CALN1: variants seen among roughly 807,000 people sequenced by gnomAD.
CALN1 encodes the protein calneuron 1.
A neutral mutation model predicts 30.6 loss-of-function variants in CALN1; 17 were observed. The ratio of observed to expected loss-of-function variants is 0.56; its 90% CI spans 0.38 to 0.83. The LOEUF (loss-of-function observed/expected upper bound fraction) is 0.83. CALN1 is among the 40% of genes least tolerant of loss of function. The probability of loss-of-function intolerance (pLI) is 0.00; values close to 1 mark genes in which losing one functional copy is unlikely to be tolerated. For synonymous variants in CALN1, 156 were observed against 131.4 expected (o/e 1.19, Z -1.28); for missense variants, 291 against 354.9 (o/e 0.82, Z 1.45).
At chr7:71,900,044 C>T (rs1793764559) in intron 5 of CALN1, among the ~76,000 whole-genome samples, 1 of 152,192 alleles carries the variant, frequency 6.6e-6, no homozygotes, top group African/African-American at 2.4e-5. Flanking sequence ...GACTTGTCTA[C>T]TTTAAATTTT....
chr7:72,154,884 T>C (rs949900266), intron 3 of CALN1, among the ~76,000 whole-genome samples: 3 of 144,720 alleles, frequency 2.1e-5, no homozygotes, highest in African/African-American at 7.8e-5. Context: ...AATGAGATCC[T>C]GTCTCTACAA....
At position 71,782,194 on chromosome 7, in the gene CALN1, G is replaced by C. The variant is rs1792753549; in HGVS notation, c.*5581C>G. On this transcript the variant is annotated 3_prime_UTR_variant, in exon 7 of 7. Coordinates refer to ENST00000395275, the MANE Select transcript of CALN1 (RefSeq NM_031468.4). Reference sequence around the variant, plus strand: ...CCAGTGCTGGAGGTGGGGCCTGCTGGGAGATATTTGGGTCATAGGGACAGA... The same window carrying C: ...CCAGTGCTGGAGGTGGGGCCTGCTGCGAGATATTTGGGTCATAGGGACAGA... 1.3e-5 allele frequency: 2 copies of C among 152,176 alleles called. No individual in the cohort carries two copies. The highest frequency in any genetic ancestry group is 4.8e-5 in the African/African-American group (2 of 41,440). 9.4% of individuals were successfully genotyped at this position (152,176 alleles called of 1,614,324 possible).
chr7:72,327,083 GCAGTT>G (rs764791140), intron 2 of CALN1, among the ~76,000 whole-genome samples: 1 of 152,172 alleles, frequency 6.6e-6, no homozygotes, highest in Non-Finnish European at 1.5e-5. Context: ...TGAGTTTGTG[GCAGTT>G]AATTCCTGAC....
At chr7:72,414,623 G>A (rs139369821), upstream of CALN1, among the ~76,000 whole-genome samples, 642 of 152,314 alleles carry the variant, frequency 4.2e-3, 4 homozygotes, top group Non-Finnish European at 6.7e-3. Flanking sequence ...TTGAAGGGAG[G>A]ATGTCCTGAA....
chr7:71,829,328 C>A (rs947855355), intron 5 of CALN1, among the ~76,000 whole-genome samples: 5 of 152,108 alleles, frequency 3.3e-5, no homozygotes, highest in Non-Finnish European at 7.3e-5. Flanking sequence ...TCACCAAAAG[C>A]CACCAAAGGG....
chr7:72,206,830 G>A (rs1182464231), intron 3 of CALN1, among the ~76,000 whole-genome samples: 1 of 152,144 alleles, frequency 6.6e-6, no homozygotes, highest in Non-Finnish European at 1.5e-5. Context: ...TAATAAGAAT[G>A]GATTTATCCT....
intron 5 of CALN1, among the ~76,000 whole-genome samples, chr7:71,897,171 G>A (rs1263425169): frequency 2.6e-5 from 4 of 152,166 alleles, no homozygotes; most frequent in Admixed American, 2.6e-4. Flanking sequence ...TAATATCTGT[G>A]AGTCCAGCAT....
intron 3 of CALN1, among the ~76,000 whole-genome samples, chr7:72,206,251 G>A (rs1791875913): frequency 6.6e-6 from 1 of 152,186 alleles, no homozygotes; most frequent in Non-Finnish European, 1.5e-5. Context: ...TCTGTCATTG[G>A]ATTTGTTTTG....
intron 5 of CALN1, among the ~76,000 whole-genome samples, chr7:71,909,000 G>C (rs143824875): frequency 5.8e-4 from 88 of 152,210 alleles, no homozygotes; most frequent in African/African-American, 2.0e-3. Context: ...TGACTTCTCC[G>C]TGACATTTTA....
chr7:72,391,116 G>C (rs1357653362), intron 2 of CALN1, among the ~76,000 whole-genome samples: 2 of 152,100 alleles, frequency 1.3e-5, no homozygotes, highest in African/African-American at 4.8e-5. Flanking sequence ...AGAATTGAGA[G>C]AGGATGGAGT....
At chr7:72,213,322 T>G (rs953750779) in intron 3 of CALN1, among the ~76,000 whole-genome samples, 1 of 152,208 alleles carries the variant, frequency 6.6e-6, no homozygotes, top group African/African-American at 2.4e-5. Context: ...TCTGAATTAT[T>G]TGCTGTGTGT....
intron 3 of CALN1, among the ~76,000 whole-genome samples, chr7:72,267,730 G>A (rs371483526): frequency 6.6e-6 from 1 of 152,212 alleles, no homozygotes; most frequent in Non-Finnish European, 1.5e-5. Flanking sequence ...ACCTGGGCCG[G>A]GTGTGTTGAC....
chr7:72,356,710 C>G (rs575120163), intron 2 of CALN1, among the ~76,000 whole-genome samples: 5 of 151,942 alleles, frequency 3.3e-5, no homozygotes, highest in African/African-American at 9.7e-5. Flanking sequence ...TTAGCTCAAT[C>G]TGATTGACAT....
At chr7:71,976,185 A>G (rs948369806) in intron 5 of CALN1, among the ~76,000 whole-genome samples, 5 of 152,116 alleles carry the variant, frequency 3.3e-5, no homozygotes, top group African/African-American at 7.2e-5. Context: ...CAGAGGATAC[A>G]CTGATGTAAA....
intron 2 of CALN1, among the ~76,000 whole-genome samples, chr7:72,338,043 C>T (rs1407651934): frequency 6.6e-6 from 1 of 152,202 alleles, no homozygotes; most frequent in Non-Finnish European, 1.5e-5. Flanking sequence ...CTCCCAAGAA[C>T]TGACGGAATA....
At chr7:72,362,339 G>A (rs1372028906) in intron 2 of CALN1, among the ~76,000 whole-genome samples, 4 of 152,138 alleles carry the variant, frequency 2.6e-5, no homozygotes, top group Non-Finnish European at 1.5e-5. Flanking sequence ...ACAGTCGCAA[G>A]AGTTTTGTAG....
At chr7:71,967,429 A>G (rs911807746) in intron 5 of CALN1, among the ~76,000 whole-genome samples, 3 of 151,980 alleles carry the variant, frequency 2.0e-5, no homozygotes, top group Non-Finnish European at 4.4e-5. Flanking sequence ...GGAGTTCCAG[A>G]CCAGCCTGGG....
intron 4 of CALN1, among the ~76,000 whole-genome samples, chr7:72,065,218 C>T (rs1224603362): frequency 1.3e-5 from 2 of 151,582 alleles, no homozygotes; most frequent in Non-Finnish European, 2.9e-5. Context: ...AAAACATGGG[C>T]TACCTTTAAA....
intron 3 of CALN1, among the ~76,000 whole-genome samples, chr7:72,169,710 G>A (rs917861744): frequency 2.0e-5 from 3 of 151,552 alleles, no homozygotes; most frequent in African/African-American, 7.3e-5. Flanking sequence ...TTTCCCCCAA[G>A]ACAAAGTCTC....
Sources: allele counts gnomAD v4.1 joint callset (sites outside exome capture counted in the v4.1 genomes callset), GRCh38; gene constraint gnomAD v4.1.1; transcripts MANE v1.5; gene names NCBI Gene and HGNC (gene_info 2026-07-23, HGNC 2026-07-21).